Variants in STARD9 observed in about 807,000 individuals in gnomAD.
The protein encoded by STARD9 is StAR related lipid transfer domain containing 9, also known as stAR-related lipid transfer protein 9.
A neutral mutation model predicts 399.8 loss-of-function variants in STARD9; 346 were observed. The observed-to-expected ratio is 0.87, with a 90% CI of 0.79 to 0.95. The LOEUF is 0.95. STARD9 is among the 40% of genes least tolerant of loss of function. The pLI, the probability that STARD9 is intolerant of heterozygous loss-of-function variation, is 0.00. For missense variants in STARD9, 5,832 were observed against 5,667.5 expected (o/e 1.03, Z -0.93); for synonymous variants, 2,203 against 2,143.5 (o/e 1.03, Z -0.77).
intron 7 of STARD9, among the ~76,000 whole-genome samples, chr15:42,641,403 A>G (rs1193214717): frequency 6.6e-6 from 1 of 152,012 alleles, no homozygotes; most frequent in Non-Finnish European, 1.5e-5. Context: ...ACTAGGGTAC[A>G]TGTGCACAAT....
chr15:42,656,906 G>A (rs1036833505), intron 9 of STARD9, among the ~76,000 whole-genome samples: 1 of 152,050 alleles, frequency 6.6e-6, no homozygotes, highest in Non-Finnish European at 1.5e-5. Flanking sequence ...TGGGTACAGG[G>A]TACACTGTTT....
intron 7 of STARD9, among the ~76,000 whole-genome samples, chr15:42,643,553 C>T (rs1454094335): frequency 1.3e-5 from 2 of 151,954 alleles, no homozygotes; most frequent in Non-Finnish European, 2.9e-5. Context: ...TGGAGTGGCA[C>T]GATCTTGGGT....
chr15:42,636,786 C>T (rs1263432335), intron 4 of STARD9, among the ~76,000 whole-genome samples: 1 of 152,038 alleles, frequency 6.6e-6, no homozygotes, highest in Non-Finnish European at 1.5e-5. Flanking sequence ...AGAATTGGGG[C>T]TGGGCATGTT....
chr15:42,682,020 C>G (rs2060441182), intron 21 of STARD9, 84 bp from the exon 22 acceptor site: 3 of 918,482 alleles, frequency 3.3e-6, no homozygotes, highest in Admixed American at 4.8e-5. Context: ...ACAGGTCCAG[C>G]CATGGCTGGA....
Position 42,695,200 on chromosome 15 carries a change from A to G in STARD9, c.13023A>G (p.Gln4341=). The change falls in exon 25 of 33, where the codon CAA becomes CAG. Residue 4341 remains glutamine, a synonymous_variant. Transcript: ENST00000290607. The stretch of plus-strand genomic sequence containing the variant: ...CCTCTGACATAGAGTTGATGCTGCA[A>G]GACTACCAGCAGGCCCATGAGGAGG... ...HTPSDIELML[Q]DYQQAHEEAK... 10 of 1,537,202 alleles carry G rather than the reference A, an allele frequency of 6.5e-6. No homozygotes were observed. Among genetic ancestry groups the G allele is most frequent in the Middle Eastern group, 1.7e-4 (1 of 5,986 alleles).
At chr15:42,695,977 C>G (rs7163324) in intron 26 of STARD9, 97 bp downstream of exon 26, 3 of 1,359,220 alleles carry the variant, frequency 2.2e-6, no homozygotes, top group Non-Finnish European at 2.9e-6. Flanking sequence ...GGCAAGACGC[C>G]GTGCCTCCTG....
chr15:42,630,211 G>A (rs1042742499), intron 3 of STARD9: 1 of 151,966 alleles, frequency 6.6e-6, no homozygotes. Flanking sequence ...CACCACGTTA[G>A]CCAGGATAGT....
Position 42,686,190 on chromosome 15 carries a change from G to T in STARD9, c.4612G>T (p.Val1538Leu), listed in dbSNP as rs768784150. 3 of 1,537,556 alleles carry T rather than the reference G, an allele frequency of 2.0e-6. No individual in the cohort carries two copies. The African/African-American group carries it at 4.1e-5, about 21-fold the overall frequency. Residue 1538 changes from valine to leucine, a missense_variant, in exon 23 of 33, where the codon GTA becomes TTA. Transcript: ENST00000290607. ...GDTLLPVGPR[V>L]SSNLNLNNFP... Reference sequence around the variant, plus strand: ...TACTCTATTGCCAGTTGGCCCTAGGGTATCTAGCAATCTGAATCTCAACAA... The same window carrying T: ...TACTCTATTGCCAGTTGGCCCTAGGTTATCTAGCAATCTGAATCTCAACAA...
At chr15:42,657,108 G>T (rs1039848787) in intron 9 of STARD9, among the ~76,000 whole-genome samples, 14 of 152,160 alleles carry the variant, frequency 9.2e-5, no homozygotes, top group African/African-American at 3.1e-4. Flanking sequence ...TGTAATCCCA[G>T]CACTTTGGGA....
At chr15:42,602,302 G>C (rs2058645456) in intron 3 of STARD9, among the ~76,000 whole-genome samples, 4 of 152,050 alleles carry the variant, frequency 2.6e-5, no homozygotes, top group Non-Finnish European at 5.9e-5. Context: ...GAAATATTTT[G>C]GGGCATTTCC....
chr15:42,670,992 G>A (rs999688218), intron 16 of STARD9: 1 of 152,162 alleles, frequency 6.6e-6, no homozygotes, highest in Non-Finnish European at 1.5e-5. Context: ...TGGATTGGAT[G>A]TAGAGTGAAT....
intron 26 of STARD9, among the ~76,000 whole-genome samples, chr15:42,697,635 T>C (rs1339959735): frequency 6.6e-6 from 1 of 152,158 alleles, no homozygotes; most frequent in Non-Finnish European, 1.5e-5. Flanking sequence ...ATGTGACACA[T>C]TGAGTTGAAA....
intron 3 of STARD9, among the ~76,000 whole-genome samples, chr15:42,619,346 T>C (rs574504625): frequency 1.9e-4 from 29 of 152,192 alleles, no homozygotes; most frequent in African/African-American, 7.0e-4. Context: ...ATGTAGTATG[T>C]AACCTTTTAA....
intron 13 of STARD9, 133 bp downstream of exon 13, chr15:42,664,050 A>G (rs2060042232): frequency 3.1e-6 from 2 of 636,682 alleles, no homozygotes; most frequent in African/African-American, 3.7e-5. Flanking sequence ...ATGAGGGAGT[A>G]GAATTCTTTC....
chr15:42,699,557 C>A (rs1041584254), intron 26 of STARD9, among the ~76,000 whole-genome samples: 6 of 151,486 alleles, frequency 4.0e-5, no homozygotes, highest in African/African-American at 1.5e-4. Context: ...CCACGCCCAG[C>A]TAATTTTTTG....
chr15:42,634,436 A>G (rs2059383778), intron 3 of STARD9, among the ~76,000 whole-genome samples: 1 of 152,224 alleles, frequency 6.6e-6, no homozygotes, highest in Non-Finnish European at 1.5e-5. Flanking sequence ...ACTGATCTTC[A>G]GTATGGTATC....
At position 42,692,454 on chromosome 15, in the gene STARD9, G is replaced by A; in HGVS notation, c.10876G>A (p.Ala3626Thr). The A allele has an allele frequency of 6.5e-7, 1 of 1,537,112 alleles. No individual in the cohort carries two copies. Among genetic ancestry groups the A allele is most frequent in the Non-Finnish European group, 8.7e-7 (1 of 1,146,898 alleles). Residue 3626 changes from alanine (A) to threonine (T), a missense_variant, in exon 23 of 33, where the codon GCA (alanine) becomes ACA (threonine). This residue lies in a region of STARD9 where 5,828 missense variants were observed against 5,651.1 expected (regional missense o/e 1.03). Transcript: ENST00000290607. Reference sequence around the variant, plus strand: ...GATTATGCTGCTGTATCCATCAGAGGCAGGCTGCCCTGTGGGACAGACCAG... The same window carrying A: ...GATTATGCTGCTGTATCCATCAGAGACAGGCTGCCCTGTGGGACAGACCAG... ...DEIMLLYPSE[A>T]GCPVGQTRTN... is the part of the protein sequence containing the mutation.
chr15:42,581,255 G>T lies in STARD9; in HGVS notation c.48-2091G>T, dbSNP rs1402167555. On this transcript the variant is annotated intron_variant, in intron 1 of 32. Transcript: ENST00000290607. ...AAGGTGCCAGGGCTAGTGACTCCCGGGATATTGGGCAGATGGCAGGTGGGG... is the reference window on the plus strand; with the variant it reads ...AAGGTGCCAGGGCTAGTGACTCCCGTGATATTGGGCAGATGGCAGGTGGGG... 1.4e-5 allele frequency: 12 copies of T among 856,330 alleles called. No individual in the cohort carries two copies. In the African/African-American group the frequency reaches 1.7e-4, roughly 12 times the overall value. The allele number at this position is 856,330 out of a possible 1,614,324, so 53.0% of individuals were successfully genotyped here. A position where few individuals can be genotyped will look rare whatever the true frequency, so the allele number is the denominator to read the frequency against.
rs537761325 is a variant in STARD9, at chr15:42,692,747, G to A, written c.11169G>A (p.Met3723Ile). The change falls in exon 23 of 33, where the codon ATG (methionine) becomes ATA (isoleucine). Residue 3723 changes from methionine (M) to isoleucine (I), a missense_variant. Coordinates refer to ENST00000290607, the MANE Select transcript of STARD9 (RefSeq NM_020759.3). ...CAGATAAAGCCCCACAGGCCCTGATGATGGATGGCTCTACTCAGACCACTG... is the reference window on the plus strand; with the variant it reads ...CAGATAAAGCCCCACAGGCCCTGATAATGGATGGCTCTACTCAGACCACTG... ...DIPDKAPQAL[M>I]MDGSTQTTVD... 41 of 1,537,040 alleles carry A rather than the reference G, an allele frequency of 2.7e-5. No homozygotes were observed. Among genetic ancestry groups the A allele is most frequent in the Non-Finnish European group, 3.6e-5 (41 of 1,146,902 alleles).
Sources: gnomAD v4.1 joint callset for allele counts (sites outside exome capture counted in the v4.1 genomes callset) on GRCh38, gnomAD v4.1.1 for gene constraint, gnomAD v4.1.1 regional missense constraint, MANE v1.5 for transcripts, NCBI Gene and HGNC (gene_info 2026-07-23, HGNC 2026-07-21) for gene names.